The following COG5 variants were observed in gnomAD, a reference collection of about 807,000 sequenced individuals.
COG5 encodes component of oligomeric golgi complex 5, also known as conserved oligomeric Golgi complex subunit 5.
COG5 carries 86 observed loss-of-function variants against 110.4 expected under a neutral mutation model. The observed-to-expected ratio is 0.78, with a 90% confidence interval of 0.65 to 0.93. The LOEUF is 0.93. Ranked by LOEUF, COG5 falls within the 40% of genes least tolerant of loss-of-function variation. COG5 has a pLI of 0.00. For missense variants in COG5, 1,077 were observed against 987.0 expected (o/e 1.09, Z -1.22); for synonymous variants, 360 against 334.6 (o/e 1.08, Z -0.83).
chr7:107,386,021 T>C (rs985596511), intron 7 of COG5, among the ~76,000 whole-genome samples: 1 of 135,184 alleles, frequency 7.4e-6, no homozygotes, highest in African/African-American at 2.7e-5. Context: ...TGTGTGTGTG[T>C]GTGGTTGAGT....
At position 107,476,183 on chromosome 7, in the gene COG5, T is replaced by TAAAAAAAAAAAAAAAAAAAAAAAA. The variant is rs1563056700; in HGVS notation, c.538+51053_538+51054insTTTTTTTTTTTTTTTTTTTTTTTT. Among the ~76,000 whole-genome samples the TAAAAAAAAAAAAAAAAAAAAAAAA allele has an allele frequency of 6.7e-4, 58 of 86,446 alleles. 1 individual carries two copies. Among genetic ancestry groups the TAAAAAAAAAAAAAAAAAAAAAAAA allele is most frequent in the African/African-American group, 1.2e-3 (20 of 17,208 alleles). The allele number at this position is 86,446 out of a possible 152,430, so 56.7% of individuals were successfully genotyped here. A position where few individuals can be genotyped will look rare whatever the true frequency, so the allele number is the denominator to read the frequency against. ...TCTGGATTAATATAGTGCAATGATT[T>TAAAAAAAAAAAAAAAAAAAAAAAA]TAAAAAAAAAAAAAAAAAAAAAAAG... On this transcript the variant is annotated intron_variant, in intron 6 of 21. Transcript: ENST00000297135.
chr7:107,392,406 T>G (rs1584765814), intron 7 of COG5, among the ~76,000 whole-genome samples: 1 of 152,238 alleles, frequency 6.6e-6, no homozygotes, highest in East Asian at 1.9e-4. Context: ...ACAGGGAAAC[T>G]GAAGTATAGA....
intron 6 of COG5, chr7:107,475,267 A>T (rs896703448): frequency 6.2e-7 from 1 of 1,604,508 alleles, no homozygotes; most frequent in African/African-American, 1.3e-5. Context: ...TGTAATACAC[A>T]ACTCTTGGAT....
At chr7:107,514,848 T>G (rs569728746) in intron 6 of COG5, among the ~76,000 whole-genome samples, 57 of 152,322 alleles carry the variant, frequency 3.7e-4, no homozygotes, top group African/African-American at 1.3e-3. Flanking sequence ...TTATTGTTAC[T>G]TCATGCAAAG....
chr7:107,277,898 A>C (rs1804830457), intron 14 of COG5, among the ~76,000 whole-genome samples: 1 of 152,222 alleles, frequency 6.6e-6, no homozygotes, highest in East Asian at 1.9e-4. Context: ...ATAATTTCAG[A>C]TGTATTATTA....
chr7:107,468,960 A>G (rs1228499008), intron 6 of COG5, among the ~76,000 whole-genome samples: 1 of 151,252 alleles, frequency 6.6e-6, no homozygotes, highest in Non-Finnish European at 1.5e-5. Flanking sequence ...AGGTAACTAA[A>G]ATTAACAGAA....
intron 7 of COG5, among the ~76,000 whole-genome samples, chr7:107,389,754 G>T (rs1790478875): frequency 6.6e-6 from 1 of 152,060 alleles, no homozygotes; most frequent in African/African-American, 2.4e-5. Flanking sequence ...GATTTGGGCC[G>T]ATGGGGGGAT....
intron 17 of COG5, among the ~76,000 whole-genome samples, chr7:107,244,390 T>A (rs989037654): frequency 6.6e-6 from 1 of 151,968 alleles, no homozygotes; most frequent in Non-Finnish European, 1.5e-5. Flanking sequence ...AATCTCAAAT[T>A]AACAACCTAA....
At chr7:107,283,475 A>C (rs147987294) in intron 13 of COG5, 96 bp downstream of exon 13, 1 of 1,094,450 alleles carries the variant, frequency 9.1e-7, no homozygotes, top group African/African-American at 1.6e-5. Context: ...AATTACTTGA[A>C]TAATTTGAAA....
chr7:107,525,833 C>G (rs1800692096), intron 6 of COG5, among the ~76,000 whole-genome samples: 1 of 152,172 alleles, frequency 6.6e-6, no homozygotes, highest in Admixed American at 6.6e-5. Flanking sequence ...ATTCTGCCTG[C>G]CTCCACCTCC....
chr7:107,233,846 G>A (rs966781332), intron 18 of COG5, among the ~76,000 whole-genome samples: 1 of 152,034 alleles, frequency 6.6e-6, no homozygotes, highest in Non-Finnish European at 1.5e-5. Flanking sequence ...ACTGACCCTC[G>A]AAAAACACTT....
At chr7:107,421,538 C>A (rs1254866265) in intron 6 of COG5, among the ~76,000 whole-genome samples, 3 of 152,150 alleles carry the variant, frequency 2.0e-5, no homozygotes, top group African/African-American at 7.2e-5. Context: ...TGCCTGTAAT[C>A]CCAGCACTTT....
intron 5 of COG5, among the ~76,000 whole-genome samples, chr7:107,543,596 G>A (rs1009027733): frequency 6.6e-6 from 1 of 151,930 alleles, no homozygotes; most frequent in African/African-American, 2.4e-5. Flanking sequence ...AAGATGTTAG[G>A]CTAGCCCTAG....
chr7:107,502,215 CTT>C (rs1231754029), intron 6 of COG5, among the ~76,000 whole-genome samples: 4 of 152,070 alleles, frequency 2.6e-5, no homozygotes, highest in African/African-American at 9.7e-5. Context: ...CACTCTAAGT[CTT>C]TGCGTATTCT....
At chr7:107,406,211 C>T (rs570288148) in intron 7 of COG5, among the ~76,000 whole-genome samples, 24 of 152,296 alleles carry the variant, frequency 1.6e-4, no homozygotes, top group African/African-American at 5.5e-4. Flanking sequence ...AGAACCTATC[C>T]TCCTATGAAC....
intron 11 of COG5, among the ~76,000 whole-genome samples, chr7:107,312,827 AGAAGCAGAGGACCTC>A (rs772251378): frequency 0.023 from 3,518 of 152,278 alleles, 75 homozygotes; most frequent in African/African-American, 0.048. Context: ...CATGCTTGGC[AGAAGCAGAGGACCTC>A]GGCAGAAGAA....
chr7:107,343,352 A>G (rs1271680005), intron 10 of COG5, among the ~76,000 whole-genome samples: 2 of 152,152 alleles, frequency 1.3e-5, no homozygotes, highest in African/African-American at 2.4e-5. Context: ...TTTAAAATCT[A>G]AGTAAAAGTT....
chr7:107,422,335 C>A (rs1224189944), intron 6 of COG5, among the ~76,000 whole-genome samples: 1 of 152,126 alleles, frequency 6.6e-6, no homozygotes, highest in Non-Finnish European at 1.5e-5. Context: ...TTTCTTGAGG[C>A]CAACATGGTG....
intron 11 of COG5, among the ~76,000 whole-genome samples, chr7:107,307,952 TTATAC>T (rs1466880742): frequency 1.3e-5 from 2 of 152,194 alleles, no homozygotes; most frequent in African/African-American, 2.4e-5. Flanking sequence ...CACAGTTCTC[TTATAC>T]TTTACAAAAT....
Sources: gnomAD v4.1 joint callset for allele counts (sites outside exome capture counted in the v4.1 genomes callset) on GRCh38, gnomAD v4.1.1 for gene constraint, MANE v1.5 for transcripts, NCBI Gene and HGNC (gene_info 2026-07-23, HGNC 2026-07-21) for gene names.